Variants in FNIP2 observed in about 807,000 individuals in gnomAD.
FNIP2 encodes folliculin interacting protein 2.
Under a neutral mutation model 108.7 loss-of-function variants are expected in FNIP2, and 32 were observed. The observed-to-expected ratio is 0.29, with a 90% CI of 0.22 to 0.40. The LOEUF (loss-of-function observed/expected upper bound fraction) is 0.40, where lower values mean the gene tolerates loss of function less well. FNIP2 is among the 10% of genes least tolerant of loss of function. The probability of loss-of-function intolerance (pLI) is 1.00; values close to 1 mark genes in which losing one functional copy is unlikely to be tolerated. For missense variants in FNIP2, 1,202 were observed against 1,381.6 expected, an observed-to-expected ratio of 0.87 and a Z score of 2.06; for synonymous variants, 480 against 496.7, an observed-to-expected ratio of 0.97 and a Z score of 0.45.
rs769127202 is a variant in FNIP2 at position 158,829,147 on chromosome 4, TAGC to T, written c.314_316del (p.Ser105del). On this transcript the variant is annotated inframe_deletion, in exon 3 of 17. Transcript: ENST00000264433. ...AGGGAAGCAGCAGTGTCAGCAGCAG[TAGC>T]AGCAGCAGCATCTCTTCCCACAGTT... 1 of 1,612,906 alleles carries T rather than the reference TAGC, an allele frequency of 6.2e-7. No individual in the cohort carries two copies. The highest frequency in any genetic ancestry group is 8.5e-7 in the Non-Finnish European group (1 of 1,179,330).
At chr4:158,870,540 G>A in intron 14 of FNIP2, 71 bp downstream of exon 14, 1 of 1,524,874 alleles carries the variant, frequency 6.6e-7, no homozygotes, top group Non-Finnish European at 8.9e-7. Context: ...GACAACAGGT[G>A]TTTAGACTGA....
At chr4:158,831,813 C>CAT (rs1247375513) in intron 3 of FNIP2, 48 bp from the exon 4 acceptor site, 1 of 1,176,064 alleles carries the variant, frequency 8.5e-7, no homozygotes, top group Non-Finnish European at 1.3e-6. Flanking sequence ...TGTTGCATTG[C>CAT]ATGTCATGTT....
Position 158,859,244 on chromosome 4 carries a change from A to C in FNIP2, c.1045A>C (p.Ser349Arg). ...LFESHMNRLK[S>R]AIEKAMISCR... is the part of the protein sequence containing the mutation. The stretch of plus-strand genomic sequence containing the variant: ...TGAATCTCACATGAACAGGCTGAAG[A>C]GTGCAATTGAAAAGGTAATAAGGAT... The change falls in exon 9 of 17, where the codon AGT (serine) becomes CGT (arginine). Residue 349 changes from serine (S) to arginine (R), a missense_variant. Ser to Arg is a moderately radical substitution (Grantham distance 110). Around this residue, in one of 5 missense-constraint regions of FNIP2, gnomAD observed 878 missense variants for 990.3 expected, o/e 0.89. Transcript: ENST00000264433. The C allele has an allele frequency of 6.2e-7, 1 of 1,607,246 alleles. No homozygotes were observed.
chr4:158,806,381 C>G (rs1459246980), intron 1 of FNIP2: 3 of 1,289,370 alleles, frequency 2.3e-6, no homozygotes, highest in Non-Finnish European at 3.0e-6. Context: ...AAAAAACACA[C>G]CGGAGTAGAC....
At chr4:158,843,482 A>G (rs1779234655) in intron 7 of FNIP2, among the ~76,000 whole-genome samples, 1 of 152,212 alleles carries the variant, frequency 6.6e-6, no homozygotes. Context: ...GGTCAAATGG[A>G]TATTATCCCT....
chr4:158,788,213 A>G (rs571187660), intron 1 of FNIP2, among the ~76,000 whole-genome samples: 9 of 152,292 alleles, frequency 5.9e-5, no homozygotes, highest in Admixed American at 3.3e-4. Flanking sequence ...CGTAGTAAGT[A>G]CTCTGATTCC....
At chr4:158,810,692 T>TA (rs2126506297) in intron 1 of FNIP2, among the ~76,000 whole-genome samples, 1 of 152,344 alleles carries the variant, frequency 6.6e-6, no homozygotes, top group African/African-American at 2.4e-5. Flanking sequence ...GTCTCGGTCA[T>TA]ATTTGGATAA....
chr4:158,872,585 T>C lies in FNIP2; in HGVS notation c.2949+2116T>C, dbSNP rs1781015398. On this transcript the variant is annotated intron_variant, in intron 14 of 16. Coordinates refer to ENST00000264433, the MANE Select transcript of FNIP2 (RefSeq NM_020840.3). ...GGTGTTAATAGGAAATTCCAAAGGG[T>C]TCATAAAAATATCTTCAGAAGTTTA... 3 of 985,162 alleles carry C rather than the reference T, an allele frequency of 3.0e-6. No homozygotes were observed. In the African/African-American group the frequency reaches 5.2e-5, roughly 17 times the overall value. The allele number at this position is 985,162 out of a possible 1,614,324, so 61.0% of individuals were successfully genotyped here. A position where few individuals can be genotyped will look rare whatever the true frequency, so the allele number is the denominator to read the frequency against.
chr4:158,893,518 A>G, intron 15 of FNIP2: 1 of 552,400 alleles, frequency 1.8e-6, no homozygotes, highest in Non-Finnish European at 3.3e-6. Flanking sequence ...TAATGGTTGC[A>G]AAGACTGACA....
chr4:158,854,897 G>A (rs962316061), intron 8 of FNIP2, among the ~76,000 whole-genome samples: 2 of 152,168 alleles, frequency 1.3e-5, no homozygotes, highest in African/African-American at 4.8e-5. Flanking sequence ...AGGCAAGGTA[G>A]GTCAGAGAAA....
At chr4:158,902,404 T>G (rs1376413614) in intron 16 of FNIP2, among the ~76,000 whole-genome samples, 1 of 152,176 alleles carries the variant, frequency 6.6e-6, no homozygotes, top group East Asian at 1.9e-4. Flanking sequence ...AGAGCTCTCC[T>G]GTATGAGGTT....
At chr4:158,882,084 C>G (rs1296145510) in intron 14 of FNIP2, among the ~76,000 whole-genome samples, 4 of 151,578 alleles carry the variant, frequency 2.6e-5, no homozygotes, top group Non-Finnish European at 5.9e-5. Context: ...GCAACCCTGT[C>G]TGGGAGGTGA....
intron 14 of FNIP2, among the ~76,000 whole-genome samples, chr4:158,878,070 T>C (rs2126733470): frequency 6.6e-6 from 1 of 151,858 alleles, no homozygotes; most frequent in South Asian, 2.1e-4. Flanking sequence ...GGATAAAATA[T>C]CACCATCCTC....
intron 14 of FNIP2, among the ~76,000 whole-genome samples, chr4:158,877,460 C>G (rs1226828310): frequency 6.6e-6 from 1 of 152,224 alleles, no homozygotes; most frequent in Non-Finnish European, 1.5e-5. Flanking sequence ...TAGTACAACT[C>G]TTAAGCCTTT....
chr4:158,872,003 T>A, intron 14 of FNIP2: 2 of 985,086 alleles, frequency 2.0e-6, no homozygotes, highest in Non-Finnish European at 2.4e-6. Context: ...AACTGTGAGT[T>A]GTTTTTTTTT....
chr4:158,870,485 G>C lies in FNIP2; in HGVS notation c.2949+16G>C, dbSNP rs1417055950. ...CACAGTCCATGTAAGTGATCCCAGT[G>C]TGGAGCCTCTGGCTGCTGACAGTGT... On this transcript the variant is annotated intron_variant, in intron 14 of 16. Coordinates refer to ENST00000264433, the MANE Select transcript of FNIP2 (RefSeq NM_020840.3). 1 of 1,595,234 alleles carries C rather than the reference G, an allele frequency of 6.3e-7. No homozygotes were observed. The highest frequency in any genetic ancestry group is 2.3e-5 in the East Asian group (1 of 44,148).
At chr4:158,807,994 C>A (rs115969083) in intron 1 of FNIP2, among the ~76,000 whole-genome samples, 1 of 152,102 alleles carries the variant, frequency 6.6e-6, no homozygotes, top group Non-Finnish European at 1.5e-5. Flanking sequence ...GAGAGAGTAA[C>A]GGAGTGACAC....
chr4:158,776,399 T>C (rs1424437121), intron 1 of FNIP2, among the ~76,000 whole-genome samples: 1 of 152,230 alleles, frequency 6.6e-6, no homozygotes. Flanking sequence ...ACCAGTTCAA[T>C]TGATTCTGGC....
chr4:158,891,142 T>C (rs1030578553), intron 14 of FNIP2, among the ~76,000 whole-genome samples: 1 of 152,168 alleles, frequency 6.6e-6, no homozygotes, highest in Admixed American at 6.5e-5. Context: ...CATATGTGCA[T>C]TGGCTTTGAG....
Sources: allele counts gnomAD v4.1 joint callset (sites outside exome capture counted in the v4.1 genomes callset), GRCh38; gene constraint gnomAD v4.1.1; regional missense constraint gnomAD v4.1.1; transcripts MANE v1.5; gene names NCBI Gene and HGNC (gene_info 2026-07-23, HGNC 2026-07-21).